PEPD: variants seen among roughly 807,000 people sequenced by gnomAD.
The protein encoded by PEPD is xaa-Pro dipeptidase.
In PEPD, 53 loss-of-function variants were observed where a neutral mutation model predicts 60.7. The ratio of observed to expected loss-of-function variants is 0.87; its 90% CI spans 0.70 to 1.10. PEPD has a LOEUF of 1.10. Among genes scored for constraint, PEPD ranks in the 50% least tolerant of loss-of-function variants. The pLI is 0.00. For missense variants in PEPD, 711 were observed against 711.9 expected (o/e 1.00, Z 0.01); for synonymous variants, 267 against 284.1 (o/e 0.94, Z 0.60).
intron 11 of PEPD, among the ~76,000 whole-genome samples, chr19:33,407,634 T>C (rs1289914633): frequency 6.6e-6 from 1 of 152,228 alleles, no homozygotes; most frequent in African/African-American, 2.4e-5. Flanking sequence ...TTTGTAACCC[T>C]GTTCTTGAAG....
intron 9 of PEPD, among the ~76,000 whole-genome samples, chr19:33,423,612 A>G (rs148833108): frequency 1.3e-5 from 2 of 152,312 alleles, no homozygotes; most frequent in East Asian, 1.9e-4. Flanking sequence ...TTATATGTCT[A>G]CTTCCTCACA....
intron 5 of PEPD, among the ~76,000 whole-genome samples, chr19:33,493,017 C>G (rs533972162): frequency 6.6e-6 from 1 of 152,328 alleles, no homozygotes; most frequent in African/African-American, 2.4e-5. Context: ...GCTGGGACCA[C>G]AAGCACATGC....
intron 7 of PEPD, 29 bp from the exon 8 acceptor site, chr19:33,464,091 A>ATC: frequency 1.3e-6 from 2 of 1,556,110 alleles, no homozygotes; most frequent in Non-Finnish European, 1.8e-6. Context: ...AAAGCAGCAA[A>ATC]TCAGTGACTT....
rs143932409 is a variant in PEPD at position 33,445,244 on chromosome 19, C to T, written c.671+17751G>A. On this transcript the variant is annotated intron_variant, in intron 9 of 14. Transcript: ENST00000244137. ...ATGTCCACTGGGCTGCCTGCTGCCT[C>T]GCTGCTGAATCAGCATGTATGAACC... 2.2e-4 allele frequency among the ~76,000 whole-genome samples: 34 copies of T among 152,178 alleles called. 2 individuals are homozygous for T. The highest frequency in any genetic ancestry group is 2.9e-5 in the Non-Finnish European group (2 of 68,018).
chr19:33,457,283 T>C (rs952717117), intron 9 of PEPD, among the ~76,000 whole-genome samples: 13 of 151,954 alleles, frequency 8.6e-5, no homozygotes, highest in Admixed American at 1.3e-4. Flanking sequence ...AATAAAAAAT[T>C]AGCTGGGCAA....
At chr19:33,399,366 C>T (rs1173358431) in intron 12 of PEPD, among the ~76,000 whole-genome samples, 1 of 152,232 alleles carries the variant, frequency 6.6e-6, no homozygotes, top group Non-Finnish European at 1.5e-5. Context: ...TCAGCGCTGT[C>T]ACCCCATCAC....
At chr19:33,405,784 C>T (rs895569867) in intron 11 of PEPD, among the ~76,000 whole-genome samples, 33 of 152,246 alleles carry the variant, frequency 2.2e-4, no homozygotes, top group African/African-American at 7.7e-4. Flanking sequence ...CTCTCCAGTG[C>T]GTTCCTGGGC....
In PEPD at chr19:33,411,703, T is replaced by C. The variant is rs1352998942; in HGVS notation, c.787A>G (p.Asn263Asp). Residue 263 changes from asparagine to aspartate, a missense_variant, in exon 11 of 15, where the codon AAC (asparagine) becomes GAC (aspartate). Coordinates refer to ENST00000244137, the MANE Select transcript of PEPD (RefSeq NM_000285.4). ...TCCCCATTCTGGATCGTTCGGTCGT[T>C]GGGAGCTCCGGCGTGTCCGTAGTGT... ...VLHYGHAGAP[N>D]DRTIQNGDMC... The C allele has an allele frequency of 2.5e-6, 4 of 1,611,018 alleles. No homozygotes were observed. In the East Asian group the frequency reaches 6.7e-5, roughly 27 times the overall value.
chr19:33,466,851 G>A (rs1970027987), intron 7 of PEPD, among the ~76,000 whole-genome samples: 1 of 151,926 alleles, frequency 6.6e-6, no homozygotes, highest in African/African-American at 2.4e-5. Flanking sequence ...TGTATAGCTG[G>A]TGGTTATATA....
At chr19:33,394,218 C>T (rs535730210) in intron 12 of PEPD, among the ~76,000 whole-genome samples, 12 of 152,342 alleles carry the variant, frequency 7.9e-5, no homozygotes, top group East Asian at 5.8e-4. Flanking sequence ...CTCTCGGACG[C>T]GCCCTTCTCT....
At chr19:33,392,322 C>T (rs1318528816) in intron 12 of PEPD, among the ~76,000 whole-genome samples, 3 of 152,232 alleles carry the variant, frequency 2.0e-5, no homozygotes, top group Admixed American at 6.5e-5. Flanking sequence ...GAGCTCTCCA[C>T]GTAGAGCCTC....
chr19:33,401,858 A>G lies in PEPD; in HGVS notation c.830T>C (p.Met277Thr), dbSNP rs1412187120. ...IQNGDMCLFD[M>T]GGEYYCFASD... Reference sequence around the variant, plus strand: ...AGCGAAGCAGTAATACTCACCGCCCATGTCGAACAGGCTGCGGAGAGAGGA... The same window carrying G: ...AGCGAAGCAGTAATACTCACCGCCCGTGTCGAACAGGCTGCGGAGAGAGGA... Residue 277 changes from methionine (M) to threonine (T), a missense_variant, in exon 12 of 15, where the codon ATG (methionine) becomes ACG (threonine). Coordinates refer to ENST00000244137, the MANE Select transcript of PEPD (RefSeq NM_000285.4). The G allele has an allele frequency of 6.2e-7, 1 of 1,613,200 alleles. No individual in the cohort carries two copies. Among genetic ancestry groups the G allele is most frequent in the Non-Finnish European group, 8.5e-7 (1 of 1,179,952 alleles).
rs567584443 is a variant in PEPD, at chr19:33,439,556, G to A, written c.671+23439C>T. Among the ~76,000 whole-genome samples the A allele has an allele frequency of 2.6e-5, 4 of 152,350 alleles. No homozygotes were observed. In the South Asian group the frequency reaches 6.2e-4, roughly 24 times the overall value. On this transcript the variant is annotated intron_variant, in intron 9 of 14. Transcript: ENST00000244137. ...CCTCCCCAGCTGCTCTCACTAGCAG[G>A]GCTGCCCGGCAATGCCTCTGGGGCC... is the stretch of plus-strand genomic sequence containing the variant.
At chr19:33,433,131 T>C (rs1969307452) in intron 9 of PEPD, among the ~76,000 whole-genome samples, 1 of 152,198 alleles carries the variant, frequency 6.6e-6, no homozygotes, top group Non-Finnish European at 1.5e-5. Context: ...TCAACTGCAA[T>C]CCATGTCAAT....
chr19:33,488,461 A>G (rs925057995), intron 6 of PEPD, among the ~76,000 whole-genome samples: 3 of 152,088 alleles, frequency 2.0e-5, no homozygotes, highest in Admixed American at 2.0e-4. Context: ...AGCACCAGGT[A>G]GTGCTGGGGG....
intron 11 of PEPD, among the ~76,000 whole-genome samples, chr19:33,407,327 C>A (rs571657495): frequency 3.3e-5 from 5 of 152,250 alleles, no homozygotes; most frequent in Non-Finnish European, 7.3e-5. Flanking sequence ...TTCCCAGAAT[C>A]GTGGACCATG....
chr19:33,517,860 G>A (rs1971052841), intron 1 of PEPD, among the ~76,000 whole-genome samples: 1 of 151,752 alleles, frequency 6.6e-6, no homozygotes. Flanking sequence ...CCAGCTACTC[G>A]GGAGGCTGAG....
intron 7 of PEPD, among the ~76,000 whole-genome samples, chr19:33,464,550 G>C (rs1194354877): frequency 1.3e-5 from 2 of 152,186 alleles, no homozygotes; most frequent in Non-Finnish European, 2.9e-5. Flanking sequence ...ACAGGGTCAG[G>C]TGAAGGGACA....
chr19:33,434,033 C>T (rs1050817658), intron 9 of PEPD, among the ~76,000 whole-genome samples: 1 of 152,182 alleles, frequency 6.6e-6, no homozygotes, highest in African/African-American at 2.4e-5. Context: ...AGGGTTCGCT[C>T]ACCACCCCTT....
Sources: allele counts gnomAD v4.1 joint callset (sites outside exome capture counted in the v4.1 genomes callset), GRCh38; gene constraint gnomAD v4.1.1; transcripts MANE v1.5; gene names NCBI Gene and HGNC (gene_info 2026-07-23, HGNC 2026-07-21).